The following PRH1 variants were observed in gnomAD, a reference collection of about 807,000 sequenced individuals.
PRH1 encodes proline rich protein HaeIII subfamily 1, also known as salivary acidic proline-rich phosphoprotein 1/2.
Under a neutral mutation model 7.9 loss-of-function variants are expected in PRH1, and 7 were observed. The ratio of observed to expected loss-of-function variants is 0.89; its 90% confidence interval spans 0.50 to 1.67. The LOEUF (loss-of-function observed/expected upper bound fraction) is 1.67. Among genes scored for constraint, PRH1 ranks in the 40% most tolerant of loss-of-function variants. The pLI is 0.00. For synonymous variants in PRH1, 45 were observed against 80.8 expected, an observed-to-expected ratio of 0.56 and a Z score of 2.38; for missense variants, 109 against 223.6, an observed-to-expected ratio of 0.49 and a Z score of 3.27.
At chr12:10,927,446 C>T (rs1026866695) in intron 2 of PRH1, among the ~76,000 whole-genome samples, 4 of 152,132 alleles carry the variant, frequency 2.6e-5, no homozygotes, top group African/African-American at 9.7e-5. Flanking sequence ...AAGATACAAC[C>T]CATCAAGCCC....
intron 1 of PRH1, among the ~76,000 whole-genome samples, chr12:11,024,291 A>T (rs995341874): frequency 6.6e-6 from 1 of 152,234 alleles, no homozygotes; most frequent in Non-Finnish European, 1.5e-5. Flanking sequence ...AATGGAAAAC[A>T]TAGCAATGTG....
In PRH1 at chr12:11,023,853, A is replaced by G. The variant is rs184605537; in HGVS notation, c.-126+23167T>C. 4.8e-5 allele frequency among the ~76,000 whole-genome samples: 7 copies of G among 145,216 alleles called. No homozygotes were observed. The East Asian group carries it at 1.5e-3, about 31-fold the overall frequency. On this transcript the variant is annotated intron_variant, in intron 1 of 3. Transcript: ENST00000539853. ...GGTTAGAAAAATGTAATCCAAAGAC[A>G]TAATGATACACAATTATCTAACTCA...
At chr12:11,008,752 A>G (rs950583395) in intron 1 of PRH1, among the ~76,000 whole-genome samples, 1 of 152,036 alleles carries the variant, frequency 6.6e-6, no homozygotes, top group Non-Finnish European at 1.5e-5. Context: ...TTATGAATTT[A>G]CTATAATTAT....
intron 2 of PRH1, among the ~76,000 whole-genome samples, chr12:10,914,086 A>G (rs1261024918): frequency 1.3e-5 from 2 of 152,234 alleles, no homozygotes; most frequent in East Asian, 3.8e-4. Context: ...AGTGGCAAGA[A>G]AAAACATTAC....
At chr12:10,946,059 G>A (rs1439848928) in intron 2 of PRH1, among the ~76,000 whole-genome samples, 1 of 152,070 alleles carries the variant, frequency 6.6e-6, no homozygotes, top group Non-Finnish European at 1.5e-5. Flanking sequence ...TCTACAATTT[G>A]TGCAGTTAAT....
chr12:10,904,855 A>AGGGTTAAAACCC (rs1949779734), intron 2 of PRH1, among the ~76,000 whole-genome samples: 1 of 152,112 alleles, frequency 6.6e-6, no homozygotes, highest in Admixed American at 6.6e-5. Flanking sequence ...CCCTTTAAAA[A>AGGGTTAAAACCC]CGAGCAAAAG....
At chr12:10,938,828 T>C in intron 2 of PRH1, 1 of 1,613,626 alleles carries the variant, frequency 6.2e-7, no homozygotes, top group Non-Finnish European at 8.5e-7. Flanking sequence ...AACCACCTTT[T>C]TAACCCTCCA....
At chr12:10,941,574 AATTTATT>A (rs1015889861) in intron 2 of PRH1, among the ~76,000 whole-genome samples, 3 of 64,534 alleles carry the variant, frequency 4.6e-5, no homozygotes, top group Non-Finnish European at 1.0e-4. Context: ...TTATTATTAA[AATTTATT>A]ATTTATTATT....
chr12:10,966,271 A>G (rs966331978), intron 2 of PRH1, among the ~76,000 whole-genome samples: 5 of 152,218 alleles, frequency 3.3e-5, no homozygotes, highest in Non-Finnish European at 7.3e-5. Context: ...ATTCCTGAGT[A>G]TCCCATTATT....
intron 1 of PRH1, chr12:11,078,764 G>C (rs1944398563): frequency 6.6e-6 from 1 of 152,020 alleles, no homozygotes; most frequent in South Asian, 2.1e-4. Context: ...TTATTTTTAT[G>C]CCAGATTTAA....
At chr12:11,114,000 A>C (rs545702659) in intron 1 of PRH1, among the ~76,000 whole-genome samples, 1 of 152,276 alleles carries the variant, frequency 6.6e-6, no homozygotes, top group African/African-American at 2.4e-5. Context: ...AAAAGTCAGG[A>C]AACAACAGAT....
chr12:11,159,222 T>A (rs185804987), intron 1 of PRH1: 3 of 152,018 alleles, frequency 2.0e-5, no homozygotes, highest in Admixed American at 6.6e-5. Context: ...TGCAAAGTCA[T>A]GTTTTTTTCA....
At chr12:10,976,621 G>C (rs1939109140) in intron 1 of PRH1, among the ~76,000 whole-genome samples, 1 of 136,732 alleles carries the variant, frequency 7.3e-6, no homozygotes, top group Non-Finnish European at 1.6e-5. Flanking sequence ...CAAAAGATCA[G>C]TGGGCTGAGG....
chr12:11,146,972 T>C (rs34666803), intron 1 of PRH1, among the ~76,000 whole-genome samples: 44,013 of 152,110 alleles, frequency 0.29, 8,258 homozygotes, highest in East Asian at 0.74. Context: ...AATTACACTA[T>C]AATAAATCTT....
At chr12:10,909,319 A>G (rs1357492812) in intron 2 of PRH1, 1 of 1,542,604 alleles carries the variant, frequency 6.5e-7, no homozygotes, top group Non-Finnish European at 8.9e-7. Flanking sequence ...AGAAAGTTCA[A>G]TGTCTAATGT....
intron 1 of PRH1, among the ~76,000 whole-genome samples, chr12:11,144,585 C>T (rs1281131491): frequency 6.6e-6 from 1 of 152,242 alleles, no homozygotes; most frequent in East Asian, 1.9e-4. Context: ...GCCCGATTCA[C>T]ATCCTCCCCC....
At chr12:11,109,235 G>A (rs1320700007) in intron 1 of PRH1, among the ~76,000 whole-genome samples, 1 of 152,152 alleles carries the variant, frequency 6.6e-6, no homozygotes, top group Non-Finnish European at 1.5e-5. Flanking sequence ...GGCAGCTGTG[G>A]GAGCAGCATC....
chr12:10,944,153 T>C (rs1950448020), intron 2 of PRH1, among the ~76,000 whole-genome samples: 3 of 152,262 alleles, frequency 2.0e-5, no homozygotes, highest in African/African-American at 7.2e-5. Context: ...ACATTGAATC[T>C]GTACATTCCT....
At chr12:11,000,920 T>A (rs934652121) in intron 1 of PRH1, among the ~76,000 whole-genome samples, 8 of 152,164 alleles carry the variant, frequency 5.3e-5, no homozygotes, top group Non-Finnish European at 2.9e-5. Flanking sequence ...CTTCTATAAA[T>A]CATTATCTAT....
Sources: gnomAD v4.1 joint callset for allele counts (sites outside exome capture counted in the v4.1 genomes callset) on GRCh38, gnomAD v4.1.1 for gene constraint, MANE v1.5 for transcripts, NCBI Gene and HGNC (gene_info 2026-07-23, HGNC 2026-07-21) for gene names.